The following PDE1A variants were observed in gnomAD, a reference collection of about 807,000 sequenced individuals.
PDE1A encodes phosphodiesterase 1A.
In PDE1A, 35 loss-of-function variants were observed where a neutral mutation model predicts 61.7. The ratio of observed to expected loss-of-function variants is 0.57; its 90% confidence interval spans 0.43 to 0.75. The LOEUF (loss-of-function observed/expected upper bound fraction) is 0.75. Ranked by LOEUF, PDE1A falls within the 30% of genes least tolerant of loss-of-function variation. PDE1A has a pLI of 0.00. For missense variants in PDE1A, 597 were observed against 630.6 expected (o/e 0.95, Z 0.57); for synonymous variants, 232 against 213.2 (o/e 1.09, Z -0.77).
At chr2:182,149,018 T>C (rs532343341) in intron 13 of PDE1A, among the ~76,000 whole-genome samples, 12 of 152,288 alleles carry the variant, frequency 7.9e-5, no homozygotes, top group African/African-American at 2.9e-4. Flanking sequence ...GAAATTCTTG[T>C]CTCAAAAATC....
At chr2:182,271,135 T>C (rs1488777903) in intron 1 of PDE1A, among the ~76,000 whole-genome samples, 3 of 150,888 alleles carry the variant, frequency 2.0e-5, no homozygotes, top group Non-Finnish European at 4.4e-5. Context: ...AATATTGCAT[T>C]GTACACTGGA....
intron 13 of PDE1A, among the ~76,000 whole-genome samples, chr2:182,169,242 GTT>G (rs1691899373): frequency 6.6e-6 from 1 of 151,724 alleles, no homozygotes; most frequent in African/African-American, 2.4e-5. Flanking sequence ...TCCATCTCCA[GTT>G]TAGTAGAGTT....
At chr2:182,470,832 C>T (rs1275812923) in intron 2 of PDE1A, among the ~76,000 whole-genome samples, 1 of 151,758 alleles carries the variant, frequency 6.6e-6, no homozygotes, top group South Asian at 2.1e-4. Context: ...AGGTTTTGCA[C>T]AAGGAGCATT....
chr2:182,529,743 T>C, the PDE1A span, among the ~76,000 whole-genome samples: 1 of 152,208 alleles, frequency 6.6e-6, no homozygotes, highest in East Asian at 1.9e-4. Context: ...GTCTTCATGG[T>C]AGTGAATAAG....
intron 1 of PDE1A, among the ~76,000 whole-genome samples, chr2:182,307,466 G>A (rs954119804): frequency 2.6e-5 from 4 of 152,208 alleles, no homozygotes; most frequent in South Asian, 2.1e-4. Flanking sequence ...TTCCTTGACC[G>A]ATCCCAGCCT....
intron 2 of PDE1A, among the ~76,000 whole-genome samples, chr2:182,244,243 A>C (rs1430035054): frequency 6.6e-6 from 1 of 152,166 alleles, no homozygotes; most frequent in African/African-American, 2.4e-5. Flanking sequence ...TTCTTCAGGG[A>C]AATGGATTAT....
At chr2:182,455,981 T>G (rs1685893427) in intron 2 of PDE1A, among the ~76,000 whole-genome samples, 2 of 151,836 alleles carry the variant, frequency 1.3e-5, no homozygotes, top group Non-Finnish European at 2.9e-5. Flanking sequence ...CTGTTCAAAG[T>G]AAATTATATT....
chr2:182,437,371 A>C (rs1000230516), intron 2 of PDE1A, among the ~76,000 whole-genome samples: 2 of 151,940 alleles, frequency 1.3e-5, no homozygotes, highest in Non-Finnish European at 2.9e-5. Context: ...TTAATTGATT[A>C]ATTAAAACTC....
At chr2:182,322,072 TC>T (rs1208575423) in intron 1 of PDE1A, among the ~76,000 whole-genome samples, 1 of 152,198 alleles carries the variant, frequency 6.6e-6, no homozygotes, top group Non-Finnish European at 1.5e-5. Context: ...CACTTTGAAT[TC>T]CTTCTCTCCT....
At chr2:182,555,622 G>A in the PDE1A span, among the ~76,000 whole-genome samples, 444 of 152,206 alleles carry the variant, frequency 2.9e-3, 1 homozygote, top group African/African-American at 0.01. Context: ...GAAAATGTTT[G>A]AAATGTCATT....
the PDE1A span, among the ~76,000 whole-genome samples, chr2:182,531,932 G>A: frequency 6.6e-6 from 1 of 152,090 alleles, no homozygotes; most frequent in African/African-American, 2.4e-5. Flanking sequence ...TCCCACCTAT[G>A]AGTGAGAACA....
the PDE1A span, among the ~76,000 whole-genome samples, chr2:182,699,409 T>C: frequency 6.6e-6 from 1 of 152,232 alleles, no homozygotes. Flanking sequence ...ATTGATTTTA[T>C]CAGCTCACTG....
rs201713592 is a variant in PDE1A at position 182,186,465 on chromosome 2, T to C, written c.1328+3A>G. The C allele has an allele frequency of 1.2e-4, 186 of 1,609,954 alleles. No individual in the cohort carries two copies. In the African/African-American group the frequency reaches 2.4e-3, roughly 21 times the overall value. ...AAATAATGCAAAAAAGAAAATATCA[T>C]ACCTGCTTGCCACATAGGAAGAAGT... On this transcript the variant is annotated splice_donor_region_variant and intron_variant, in intron 12 of 13. Transcript: ENST00000351439.
intron 2 of PDE1A, among the ~76,000 whole-genome samples, chr2:182,478,783 C>A (rs1347487230): frequency 1.3e-5 from 2 of 151,794 alleles, no homozygotes; most frequent in Non-Finnish European, 2.9e-5. Context: ...TGCCCCAGAT[C>A]CCATATTTGG....
the PDE1A span, among the ~76,000 whole-genome samples, chr2:182,602,624 T>G: frequency 6.6e-6 from 1 of 152,228 alleles, no homozygotes; most frequent in Non-Finnish European, 1.5e-5. Flanking sequence ...GATACAATCT[T>G]ACGTTTTTGG....
chr2:182,341,907 G>A (rs759828854), intron 1 of PDE1A, among the ~76,000 whole-genome samples: 7 of 151,872 alleles, frequency 4.6e-5, no homozygotes, highest in South Asian at 2.1e-4. Flanking sequence ...ACAGACACAC[G>A]CCACCACACC....
At chr2:182,282,866 T>G (rs1693903147) in intron 1 of PDE1A, among the ~76,000 whole-genome samples, 1 of 152,006 alleles carries the variant, frequency 6.6e-6, no homozygotes, top group Non-Finnish European at 1.5e-5. Context: ...AAAGCCCTAA[T>G]GAAATAGTCT....
At chr2:182,362,010 G>C (rs1192848182) in intron 1 of PDE1A, among the ~76,000 whole-genome samples, 3 of 151,992 alleles carry the variant, frequency 2.0e-5, no homozygotes, top group Non-Finnish European at 4.4e-5. Flanking sequence ...CTAGAATGCT[G>C]GTTGTGTAAA....
At chr2:182,534,563 G>T in the PDE1A span, among the ~76,000 whole-genome samples, 1 of 151,202 alleles carries the variant, frequency 6.6e-6, no homozygotes, top group African/African-American at 2.4e-5. Context: ...GAGAATTAAT[G>T]TATTTTTTGA....
Sources: allele counts gnomAD v4.1 joint callset (sites outside exome capture counted in the v4.1 genomes callset), GRCh38; gene constraint gnomAD v4.1.1; transcripts MANE v1.5; gene names NCBI Gene and HGNC (gene_info 2026-07-23, HGNC 2026-07-21).